The following MYO9A variants were observed in gnomAD, a reference collection of about 807,000 sequenced individuals.
The protein encoded by MYO9A is myosin IXA, also known as unconventional myosin-IXa.
A neutral mutation model predicts 293.3 loss-of-function variants in MYO9A; 103 were observed. The observed-to-expected ratio is 0.35, with a 90% CI of 0.30 to 0.41. MYO9A has a LOEUF of 0.41. Among genes scored for constraint, MYO9A ranks in the 10% least tolerant of loss-of-function variants. The pLI is 1.00. For missense variants in MYO9A, 2,685 were observed against 3,033.0 expected (o/e 0.89, Z 2.69); for synonymous variants, 1,001 against 1,035.7 (o/e 0.97, Z 0.64).
intron 39 of MYO9A, among the ~76,000 whole-genome samples, chr15:71,835,934 A>G (rs1356693123): frequency 6.6e-6 from 1 of 152,068 alleles, no homozygotes; most frequent in Non-Finnish European, 1.5e-5. Context: ...CACACATAAG[A>G]AGGCTCCCAA....
chr15:72,049,222 A>T (rs960442290), intron 1 of MYO9A, among the ~76,000 whole-genome samples: 3 of 152,208 alleles, frequency 2.0e-5, no homozygotes, highest in Admixed American at 6.5e-5. Context: ...ATATATTTTT[A>T]AAAATTAAAA....
At chr15:72,115,675 C>T (rs981270782) in intron 1 of MYO9A, among the ~76,000 whole-genome samples, 1 of 152,158 alleles carries the variant, frequency 6.6e-6, no homozygotes, top group African/African-American at 2.4e-5. Context: ...TCATTCCAGT[C>T]CCCTGCTTTA....
chr15:71,944,183 A>T (rs1288595224), intron 15 of MYO9A, among the ~76,000 whole-genome samples: 2 of 152,128 alleles, frequency 1.3e-5, no homozygotes. Context: ...TTGCCCATTT[A>T]AAAACTGGCC....
At chr15:71,895,897 C>T (rs1337484245) in intron 25 of MYO9A, among the ~76,000 whole-genome samples, 1 of 151,940 alleles carries the variant, frequency 6.6e-6, no homozygotes, top group Non-Finnish European at 1.5e-5. Flanking sequence ...TAAGTGTATA[C>T]ACCTATAATA....
At chr15:72,083,383 TTG>T (rs1453680845) in intron 1 of MYO9A, among the ~76,000 whole-genome samples, 1 of 152,182 alleles carries the variant, frequency 6.6e-6, no homozygotes, top group Non-Finnish European at 1.5e-5. Context: ...TTGTTTCTAA[TTG>T]TGTTTATTTG....
intron 13 of MYO9A, among the ~76,000 whole-genome samples, chr15:71,962,474 C>G (rs903518984): frequency 6.6e-6 from 1 of 152,096 alleles, no homozygotes; most frequent in Non-Finnish European, 1.5e-5. Flanking sequence ...TCCTTACATA[C>G]CCTTAGAGCA....
intron 13 of MYO9A, among the ~76,000 whole-genome samples, chr15:71,962,795 A>C (rs867630011): frequency 1.6e-4 from 25 of 152,316 alleles, no homozygotes; most frequent in Non-Finnish European, 2.4e-4. Flanking sequence ...TAATAACTAC[A>C]CTGTACAACC....
Position 71,878,058 on chromosome 15 carries a change from T to A in MYO9A, c.5913A>T (p.Ser1971=), listed in dbSNP as rs1298232837. Residue 1971 remains serine, a synonymous_variant, in exon 31 of 42, where the codon TCA becomes TCT. Transcript: ENST00000356056. ...LDEYMNEFKT[S]DCTATKVPKT... Reference sequence around the variant, plus strand: ...CATTTACCTTTGTGGCTGTGCAATCTGAAGTCTTGAATTCATTCATATATT... The same window carrying A: ...CATTTACCTTTGTGGCTGTGCAATCAGAAGTCTTGAATTCATTCATATATT... 1 of 1,603,044 alleles carries A rather than the reference T, an allele frequency of 6.2e-7. No individual in the cohort carries two copies. Among genetic ancestry groups the A allele is most frequent in the East Asian group, 2.2e-5 (1 of 44,770 alleles).
At chr15:72,037,733 T>C (rs1006480851) in intron 2 of MYO9A, among the ~76,000 whole-genome samples, 13 of 151,928 alleles carry the variant, frequency 8.6e-5, no homozygotes, top group African/African-American at 3.1e-4. Flanking sequence ...CTTGGGAAAA[T>C]CTCATTTTGA....
intron 18 of MYO9A, among the ~76,000 whole-genome samples, chr15:71,928,422 T>C (rs2058386383): frequency 6.6e-6 from 1 of 151,888 alleles, no homozygotes; most frequent in African/African-American, 2.4e-5. Context: ...CTTTGGCTAT[T>C]TGGGGTTTTT....
intron 31 of MYO9A, among the ~76,000 whole-genome samples, chr15:71,876,332 C>T (rs2142288007): frequency 6.6e-6 from 1 of 151,102 alleles, no homozygotes; most frequent in South Asian, 2.1e-4. Context: ...TTTTTTGAGA[C>T]CGGCTGGTCT....
intron 19 of MYO9A, among the ~76,000 whole-genome samples, chr15:71,913,553 C>G (rs2057922297): frequency 6.6e-6 from 1 of 152,192 alleles, no homozygotes. Flanking sequence ...TTTACATCAT[C>G]TCCATCATTT....
At chr15:72,012,625 C>A (rs1467680649) in intron 6 of MYO9A, among the ~76,000 whole-genome samples, 2 of 152,048 alleles carry the variant, frequency 1.3e-5, no homozygotes, top group Non-Finnish European at 2.9e-5. Context: ...ACACATTCTT[C>A]TTTTACCTAT....
At chr15:72,104,051 G>A (rs985859331) in intron 1 of MYO9A, among the ~76,000 whole-genome samples, 3 of 152,212 alleles carry the variant, frequency 2.0e-5, no homozygotes, top group Non-Finnish European at 4.4e-5. Context: ...TTAGCACAGT[G>A]CAAAATCGAT....
intron 13 of MYO9A, 173 bp from the exon 14 acceptor site, chr15:71,960,269 C>T: frequency 3.3e-6 from 2 of 603,708 alleles, no homozygotes; most frequent in South Asian, 4.2e-5. Context: ...GAGGCAGATC[C>T]CTCATGAATG....
intron 11 of MYO9A, among the ~76,000 whole-genome samples, chr15:71,985,064 C>T (rs2076375467): frequency 6.6e-6 from 1 of 152,150 alleles, no homozygotes; most frequent in Admixed American, 6.5e-5. Flanking sequence ...GGATTACAGG[C>T]ATGTGCCACC....
chr15:72,078,731 C>T (rs1434854010), intron 1 of MYO9A, among the ~76,000 whole-genome samples: 1 of 152,084 alleles, frequency 6.6e-6, no homozygotes, highest in Non-Finnish European at 1.5e-5. Flanking sequence ...TGAAAGCCAC[C>T]AAGATGTCCT....
At chr15:72,016,504 T>C (rs994159917) in intron 6 of MYO9A, among the ~76,000 whole-genome samples, 11 of 152,142 alleles carry the variant, frequency 7.2e-5, no homozygotes, top group African/African-American at 2.7e-4. Context: ...ACGAAATACA[T>C]AAGTAATGTA....
At chr15:71,865,908 T>G (rs1487039923) in intron 32 of MYO9A, among the ~76,000 whole-genome samples, 1 of 152,254 alleles carries the variant, frequency 6.6e-6, no homozygotes, top group Non-Finnish European at 1.5e-5. Flanking sequence ...ATCATGGTTT[T>G]GCATCTTTCC....
Sources: allele counts gnomAD v4.1 joint callset (sites outside exome capture counted in the v4.1 genomes callset), GRCh38; gene constraint gnomAD v4.1.1; transcripts MANE v1.5; gene names NCBI Gene and HGNC (gene_info 2026-07-23, HGNC 2026-07-21).